The following WDR33 variants were observed in gnomAD, a reference collection of about 807,000 sequenced individuals.
The protein encoded by WDR33 is pre-mRNA 3' end processing protein WDR33.
WDR33 carries 47 observed loss-of-function variants against 164.9 expected under a neutral mutation model. That is an observed-to-expected ratio of 0.29 (90% CI 0.23 to 0.36). The LOEUF (loss-of-function observed/expected upper bound fraction) is 0.36, where lower values mean the gene tolerates loss of function less well. WDR33 is among the 10% of genes least tolerant of loss of function. The pLI is 1.00. For missense variants in WDR33, 1,137 were observed against 1,754.1 expected (o/e 0.65, Z 6.28); for synonymous variants, 505 against 589.0 (o/e 0.86, Z 2.06).
At chr2:127,733,622 T>C (rs1686764394) in intron 7 of WDR33, among the ~76,000 whole-genome samples, 1 of 152,134 alleles carries the variant, frequency 6.6e-6, no homozygotes, top group Non-Finnish European at 1.5e-5. Context: ...GTCATATCAG[T>C]GACATTTCAA....
At chr2:127,729,006 C>T (rs192458228) in intron 7 of WDR33, among the ~76,000 whole-genome samples, 42 of 152,270 alleles carry the variant, frequency 2.8e-4, no homozygotes, top group Non-Finnish European at 1.2e-4. Flanking sequence ...CTAATGTTCT[C>T]TAAAATTTAT....
intron 7 of WDR33, chr2:127,736,355 T>C: frequency 4.1e-6 from 4 of 985,412 alleles, no homozygotes; most frequent in Non-Finnish European, 4.8e-6. Flanking sequence ...ATTTCTTTAC[T>C]GAAAATTCAG....
At position 127,720,419 on chromosome 2, in the gene WDR33, T is replaced by C. The variant is rs1245374742; in HGVS notation, c.1672-66A>G. The C allele has an allele frequency of 1.1e-5, 16 of 1,473,348 alleles. No individual in the cohort carries two copies. Among genetic ancestry groups the C allele is most frequent in the African/African-American group, 1.4e-5 (1 of 71,056 alleles). 91.3% of individuals were successfully genotyped at this position (1,473,348 alleles called of 1,614,324 possible). On this transcript the variant is annotated intron_variant, in intron 15 of 21. Transcript: ENST00000322313. This position sits in a 1 kb window ranked among gnomAD's most constrained non-coding sequence, Gnocchi z 5.9. The stretch of plus-strand genomic sequence containing the variant: ...CCAGAGCCCTTGAAGATGACAATAT[T>C]GCTATCATGTATTCTGTTAGGGGAC...
rs182601954 is a variant in WDR33 at position 127,748,048 on chromosome 2, T to C, written c.724+15014A>G. ...ATACAAAATTCTCTTTCTTGCTGAA[T>C]GAGTGACAGCTATTTCTTCACCAAT... is the stretch of plus-strand genomic sequence containing the variant. On this transcript the variant is annotated intron_variant, in intron 7 of 21. Coordinates refer to ENST00000322313, the MANE Select transcript of WDR33 (RefSeq NM_018383.5). Among the ~76,000 whole-genome samples, 216 of 152,366 alleles carry C rather than the reference T, an allele frequency of 1.4e-3. 1 individual carries two copies. Among genetic ancestry groups the C allele is most frequent in the Non-Finnish European group, 2.2e-3 (149 of 68,036 alleles).
chr2:127,714,508 C>T lies in WDR33; in HGVS notation c.2870-487G>A, dbSNP rs1686253379. Among the ~76,000 whole-genome samples the T allele has an allele frequency of 6.6e-6, 1 of 152,242 alleles. No homozygotes were observed. Among genetic ancestry groups the T allele is most frequent in the African/African-American group, 2.4e-5 (1 of 41,470 alleles). ...CATGACATCCCTCCTCTAACCCCAGCTTGTTGCACTTGATTCCTCTGTAAG... is the reference window on the plus strand; with the variant it reads ...CATGACATCCCTCCTCTAACCCCAGTTTGTTGCACTTGATTCCTCTGTAAG... On this transcript the variant is annotated intron_variant, in intron 17 of 21. Coordinates refer to ENST00000322313, the MANE Select transcript of WDR33 (RefSeq NM_018383.5). The surrounding 1 kb of genome is among the most constrained non-coding windows in gnomAD (Gnocchi z 4.3).
At chr2:127,731,922 G>C (rs1686717971) in intron 7 of WDR33, among the ~76,000 whole-genome samples, 1 of 152,060 alleles carries the variant, frequency 6.6e-6, no homozygotes, top group South Asian at 2.1e-4. Context: ...CCTGTCTCTA[G>C]AAGAAAAACT....
intron 1 of WDR33, among the ~76,000 whole-genome samples, chr2:127,772,765 C>T (rs767154657): frequency 6.6e-6 from 1 of 152,088 alleles, no homozygotes; most frequent in African/African-American, 2.4e-5. Context: ...CTTCAATGCT[C>T]TACATTTAAA....
intron 1 of WDR33, among the ~76,000 whole-genome samples, chr2:127,781,975 G>A (rs1022685896): frequency 7.2e-6 from 1 of 139,400 alleles, no homozygotes; most frequent in African/African-American, 2.8e-5. Context: ...TCCAGCCTGG[G>A]CAAGAAGAGC....
chr2:127,759,312 C>T (rs998332129), intron 7 of WDR33, among the ~76,000 whole-genome samples: 1 of 152,210 alleles, frequency 6.6e-6, no homozygotes, highest in Non-Finnish European at 1.5e-5. Flanking sequence ...GCTCATTTTA[C>T]ACCTTAGAAA....
In WDR33 at chr2:127,763,249, G is replaced by C. The variant is rs1298458545; in HGVS notation, c.627-90C>G. 6.3e-7 allele frequency: 1 copy of C among 1,593,276 alleles called. No homozygotes were observed. The highest frequency in any genetic ancestry group is 2.3e-5 in the East Asian group (1 of 44,090). On this transcript the variant is annotated intron_variant, in intron 6 of 21. Transcript: ENST00000322313. This position sits in a 1 kb window ranked among gnomAD's most constrained non-coding sequence, Gnocchi z 4.5. ...AGACAGGGAAAAATAAAAACACTGT[G>C]CTGCATTATAAACAGGAGAGGGAAG...
rs942029371 is a variant in WDR33 at position 127,741,555 on chromosome 2, G to A, written c.725-14778C>T. Among the ~76,000 whole-genome samples, 2 of 152,162 alleles carry A rather than the reference G, an allele frequency of 1.3e-5. No individual in the cohort carries two copies. The highest frequency in any genetic ancestry group is 2.4e-5 in the African/African-American group (1 of 41,434). ...ATCCACAGTGAGATCTTCCATCCAG[G>A]AGAGGACCCTTGTAGGTAAGCGAAC... On this transcript the variant is annotated intron_variant, in intron 7 of 21. Transcript: ENST00000322313. This position sits in a 1 kb window ranked among gnomAD's most constrained non-coding sequence, Gnocchi z 4.1.
intron 7 of WDR33, among the ~76,000 whole-genome samples, chr2:127,732,880 A>G (rs1686745272): frequency 6.6e-6 from 1 of 152,258 alleles, no homozygotes; most frequent in East Asian, 1.9e-4. Context: ...AATTTCAAAC[A>G]TTAAGCCTAA....
In WDR33 at chr2:127,703,498, C is replaced by T. The variant is rs527268102; in HGVS notation, c.*2825G>A. ...ATTTATGTTCCTAAGTAAGTCAGGT[C>T]CCTAAGCCCCGTCCCAAGAAGTGAC... On this transcript the variant is annotated 3_prime_UTR_variant, in exon 22 of 22. Coordinates refer to ENST00000322313, the MANE Select transcript of WDR33 (RefSeq NM_018383.5). 4.4e-4 allele frequency: 74 copies of T among 167,246 alleles called. No individual in the cohort carries two copies. Among genetic ancestry groups the T allele is most frequent in the African/African-American group, 1.7e-3 (70 of 41,568 alleles). 10.4% of individuals were successfully genotyped at this position (167,246 alleles called of 1,614,324 possible).
In WDR33 at chr2:127,768,984, T is replaced by C; in HGVS notation, c.222A>G (p.Arg74=). The C allele has an allele frequency of 6.3e-7, 1 of 1,576,990 alleles. No individual in the cohort carries two copies. The highest frequency in any genetic ancestry group is 8.6e-7 in the Non-Finnish European group (1 of 1,163,292). ...IKYLENRIWQ[R]DQRDMRAIQP... is the part of the protein sequence containing the mutation. ...GAATTGCCCGCATATCTCTCTGGTC[T>C]CTTTGCCATATTCTGTTCTGTTAAA... The change falls in exon 3 of 22, where the codon AGA becomes AGG. Residue 74 remains arginine, a synonymous_variant. Transcript: ENST00000322313.
In WDR33 at chr2:127,763,934, A is replaced by G. The variant is rs1028148031; in HGVS notation, c.627-775T>C. 7.1e-6 allele frequency: 7 copies of G among 985,730 alleles called. No individual in the cohort carries two copies. The African/African-American group carries it at 1.0e-4, about 15-fold the overall frequency. The allele number at this position is 985,730 out of a possible 1,614,324, so 61.1% of individuals were successfully genotyped here. A position where few individuals can be genotyped will look rare whatever the true frequency, so the allele number is the denominator to read the frequency against. The stretch of plus-strand genomic sequence containing the variant: ...ACTAAGGCAAAATCTACAAAGCAGA[A>G]GCATGTTCATCCAACAATTTCTGTT... On this transcript the variant is annotated intron_variant, in intron 6 of 21. Coordinates refer to ENST00000322313, the MANE Select transcript of WDR33 (RefSeq NM_018383.5). This position sits in a 1 kb window ranked among gnomAD's most constrained non-coding sequence, Gnocchi z 4.5.
At chr2:127,749,288 C>T (rs548979122) in intron 7 of WDR33, among the ~76,000 whole-genome samples, 2 of 152,240 alleles carry the variant, frequency 1.3e-5, no homozygotes, top group African/African-American at 2.4e-5. Context: ...GAGTTGTGAT[C>T]GTGCCACTGC....
intron 7 of WDR33, among the ~76,000 whole-genome samples, chr2:127,740,111 T>C (rs956991435): frequency 6.6e-6 from 1 of 152,208 alleles, no homozygotes; most frequent in African/African-American, 2.4e-5. Context: ...ATACTTTTAA[T>C]GTAAGTACTG....
intron 1 of WDR33, among the ~76,000 whole-genome samples, chr2:127,795,451 C>A (rs1689006300): frequency 6.6e-6 from 1 of 151,868 alleles, no homozygotes; most frequent in African/African-American, 2.4e-5. Context: ...GGGTCCCAAT[C>A]TCTAGAACAC....
intron 18 of WDR33, among the ~76,000 whole-genome samples, chr2:127,711,774 A>ATTTTTTTTTTTTTTTTTTTTTTT (rs1382438028): frequency 1.1e-5 from 1 of 93,352 alleles, no homozygotes. Flanking sequence ...ATATATATAT[A>ATTTTTTTTTTTTTTTTTTTTTTT]TATATATTTT....
Sources: allele counts gnomAD v4.1 joint callset (sites outside exome capture counted in the v4.1 genomes callset), GRCh38; gene constraint gnomAD v4.1.1; non-coding constraint Gnocchi (gnomAD v3.1); transcripts MANE v1.5; gene names NCBI Gene and HGNC (gene_info 2026-07-23, HGNC 2026-07-21).